RPS23: variants seen among roughly 807,000 people sequenced by gnomAD.
RPS23 encodes ribosomal protein S23, also known as small ribosomal subunit protein uS12.
For synonymous variants in RPS23, 66 were observed against 60.4 expected (o/e 1.09, Z -0.43); for missense variants, 73 against 174.5 (o/e 0.42, Z 3.28).
chr5:82,276,650 G>T, intron 2 of RPS23, 132 bp from the exon 3 acceptor site: 1 of 1,070,232 alleles, frequency 9.3e-7, no homozygotes, highest in Non-Finnish European at 1.3e-6. Context: ...CTGAAGTCCT[G>T]TGATGTCAAC....
intron 2 of RPS23, 53 bp downstream of exon 2, chr5:82,277,640 C>A: frequency 6.5e-7 from 1 of 1,544,934 alleles, no homozygotes; most frequent in Non-Finnish European, 8.9e-7. Context: ...TTCGTAAGTT[C>A]ATGTCTCGAA....
chr5:82,277,586 G>A (rs991931148), intron 2 of RPS23, 107 bp downstream of exon 2: 3 of 1,120,296 alleles, frequency 2.7e-6, no homozygotes, highest in Non-Finnish European at 4.0e-6. Context: ...ATGCCCAAAT[G>A]AATACTACTA....
Position 82,274,146 on chromosome 5 carries a change from T to C in RPS23, c.*1963A>G, listed in dbSNP as rs1747717100. On this transcript the variant is annotated 3_prime_UTR_variant, in exon 4 of 4. Coordinates refer to ENST00000296674, the MANE Select transcript of RPS23 (RefSeq NM_001025.5). ...ATTTATTGAAACTCTTCTTCCTCCA[T>C]TGGTTTTAAGATAAATCCGTTGGCC... 1 of 152,212 alleles carries C rather than the reference T, an allele frequency of 6.6e-6. No individual in the cohort carries two copies. Among genetic ancestry groups the C allele is most frequent in the Non-Finnish European group, 1.5e-5 (1 of 68,036 alleles). 9.4% of individuals were successfully genotyped at this position (152,212 alleles called of 1,614,324 possible). A position where few individuals can be genotyped will look rare whatever the true frequency, so the allele number is the denominator to read the frequency against.
intron 2 of RPS23, chr5:82,277,221 T>C (rs1178921560): frequency 1.2e-5 from 2 of 160,958 alleles, no homozygotes; most frequent in African/African-American, 4.9e-5. Context: ...TTAAAATGGC[T>C]CTACCATCAA....
In RPS23 at chr5:82,275,460, T is replaced by A. The variant is rs1174626862; in HGVS notation, c.*649A>T. 2 of 632,376 alleles carry A rather than the reference T, an allele frequency of 3.2e-6. No homozygotes were observed. The highest frequency in any genetic ancestry group is 3.7e-5 in the South Asian group (2 of 53,924). 39.2% of individuals were successfully genotyped at this position (632,376 alleles called of 1,614,324 possible). On this transcript the variant is annotated 3_prime_UTR_variant, in exon 4 of 4. Coordinates refer to ENST00000296674, the MANE Select transcript of RPS23 (RefSeq NM_001025.5). ...ACCTCATGAGAAGATACTGAAAACA[T>A]CAGTCTTGTCGTATACCTTATCTCC...
intron 3 of RPS23, 27 bp from the exon 4 acceptor site, chr5:82,276,282 T>A (rs1747772349): frequency 1.2e-6 from 2 of 1,613,002 alleles, no homozygotes; most frequent in Non-Finnish European, 1.7e-6. Context: ...AGTTTATTTC[T>A]GGTGTTGGTG....
At chr5:82,277,983 G>A in intron 1 of RPS23, 131 bp from the exon 2 acceptor site, 1 of 860,862 alleles carries the variant, frequency 1.2e-6, no homozygotes, top group Admixed American at 2.8e-5. Context: ...TGGCCTGTGG[G>A]CCAAACATTT....
Position 82,276,054 on chromosome 5 carries a change from C to G in RPS23, c.*55G>C. 1 of 1,528,378 alleles carries G rather than the reference C, an allele frequency of 6.5e-7. No homozygotes were observed. Among genetic ancestry groups the G allele is most frequent in the Non-Finnish European group, 8.9e-7 (1 of 1,119,660 alleles). The allele number at this position is 1,528,378 out of a possible 1,614,324, so 94.7% of individuals were successfully genotyped here. A position where few individuals can be genotyped will look rare whatever the true frequency, so the allele number is the denominator to read the frequency against. On this transcript the variant is annotated 3_prime_UTR_variant, in exon 4 of 4. Coordinates refer to ENST00000296674, the MANE Select transcript of RPS23 (RefSeq NM_001025.5). The stretch of plus-strand genomic sequence containing the variant: ...GGTGAGAACAGGGGACAGTAAGATA[C>G]AAACATTTTTTGGCATATGAAAATT...
In RPS23 at chr5:82,276,214, A is replaced by T; in HGVS notation, c.327T>A (p.Gly109=). The change falls in exon 4 of 4, where the codon GGT becomes GGA. Residue 109 remains glycine (G), a synonymous_variant. Coordinates refer to ENST00000296674, the MANE Select transcript of RPS23 (RefSeq NM_001025.5). ...EVLVAGFGRK[G]HAVGDIPGVR... ...CTCCAGGAATATCACCAACAGCATG[A>T]CCTTTGCGACCAAATCCAGCAACCA... is the stretch of plus-strand genomic sequence containing the variant. The T allele has an allele frequency of 1.2e-6, 2 of 1,612,916 alleles. No homozygotes were observed. The highest frequency in any genetic ancestry group is 1.7e-6 in the Non-Finnish European group (2 of 1,179,722).
At chr5:82,277,186 A>C (rs1448689159) in intron 2 of RPS23, among the ~76,000 whole-genome samples, 2 of 151,058 alleles carry the variant, frequency 1.3e-5, no homozygotes, top group African/African-American at 4.8e-5. Context: ...CTCAAAAAAA[A>C]AAAAAAAAAA....
rs934984369 is a variant in RPS23 at position 82,273,323 on chromosome 5, T to A, written c.*2786A>T. On this transcript the variant is annotated 3_prime_UTR_variant, in exon 4 of 4. Transcript: ENST00000296674. ...CCGCAGACAAAACCTCTCAGAGTTG[T>A]AGAAGGAAGGGCTTTATTCAGCTGG... The A allele has an allele frequency of 2.7e-5, 4 of 149,380 alleles. 1 individual carries two copies. Among genetic ancestry groups the A allele is most frequent in the African/African-American group, 1.0e-4 (4 of 38,802 alleles). 9.3% of individuals were successfully genotyped at this position (149,380 alleles called of 1,614,324 possible). A position where few individuals can be genotyped will look rare whatever the true frequency, so the allele number is the denominator to read the frequency against.
At chr5:82,277,226 C>T (rs1747865838) in intron 2 of RPS23, 1 of 164,230 alleles carries the variant, frequency 6.1e-6, no homozygotes, top group South Asian at 1.6e-4. Context: ...ATGGCTCTAC[C>T]ATCAAATATG....
At chr5:82,277,358 T>C in intron 2 of RPS23, 1 of 347,826 alleles carries the variant, frequency 2.9e-6, no homozygotes, top group Non-Finnish European at 5.4e-6. Context: ...CTCTTCACCT[T>C]AGTTTTATCA....
chr5:82,276,287 T>C (rs1747772506), intron 3 of RPS23, 32 bp from the exon 4 acceptor site: 4 of 1,613,038 alleles, frequency 2.5e-6, no homozygotes, highest in Non-Finnish European at 3.4e-6. Context: ...ATTTCTGGTG[T>C]TGGTGGCGAT....
At position 82,276,099 on chromosome 5, in the gene RPS23, C is replaced by G. The variant is rs1747768142; in HGVS notation, c.*10G>C. 3 of 1,599,640 alleles carry G rather than the reference C, an allele frequency of 1.9e-6. No individual in the cohort carries two copies. The highest frequency in any genetic ancestry group is 2.6e-6 in the Non-Finnish European group (3 of 1,176,000). On this transcript the variant is annotated 3_prime_UTR_variant, in exon 4 of 4. Coordinates refer to ENST00000296674, the MANE Select transcript of RPS23 (RefSeq NM_001025.5). ...AAAATTTATTACTACAGTGTTTTCA[C>G]CATTAATATTTATGATCTTGGTCTT... is the stretch of plus-strand genomic sequence containing the variant.
intron 2 of RPS23, chr5:82,276,874 G>GT: frequency 5.4e-6 from 1 of 183,670 alleles, no homozygotes; most frequent in Admixed American, 5.9e-5. Flanking sequence ...AAGAAAAAAG[G>GT]TATCTGAGGT....
In RPS23 at chr5:82,274,341, T is replaced by C. The variant is rs1431002009; in HGVS notation, c.*1768A>G. 6.6e-6 allele frequency: 1 copy of C among 152,544 alleles called. No homozygotes were observed. The highest frequency in any genetic ancestry group is 1.5e-5 in the Non-Finnish European group (1 of 68,374). 9.4% of individuals were successfully genotyped at this position (152,544 alleles called of 1,614,324 possible). A position where few individuals can be genotyped will look rare whatever the true frequency, so the allele number is the denominator to read the frequency against. On this transcript the variant is annotated 3_prime_UTR_variant, in exon 4 of 4. Transcript: ENST00000296674. ...AGGCACTAAGATCAGGCTCAGCAGC[T>C]TCTGGATCTGAGGCGCCGGAGATTA...
chr5:82,278,108 T>C (rs1006158774), intron 1 of RPS23: 1 of 687,898 alleles, frequency 1.5e-6, no homozygotes, highest in East Asian at 2.7e-5. Context: ...CTGGCCTCCC[T>C]GCGTCCCTCG....
rs930030841 is a variant in RPS23 at position 82,274,619 on chromosome 5, A to C, written c.*1490T>G. 1 of 152,642 alleles carries C rather than the reference A, an allele frequency of 6.6e-6. No individual in the cohort carries two copies. The highest frequency in any genetic ancestry group is 1.5e-5 in the Non-Finnish European group (1 of 68,390). 9.5% of individuals were successfully genotyped at this position (152,642 alleles called of 1,614,324 possible). A position where few individuals can be genotyped will look rare whatever the true frequency, so the allele number is the denominator to read the frequency against. ...GCTGCCCACCCCGCGCCTGACGCCCAGGGCCTGGAATCGCGCTGCAACCGC... is the reference window on the plus strand; with the variant it reads ...GCTGCCCACCCCGCGCCTGACGCCCCGGGCCTGGAATCGCGCTGCAACCGC... On this transcript the variant is annotated 3_prime_UTR_variant, in exon 4 of 4. Transcript: ENST00000296674.
Sources: gnomAD v4.1 joint callset for allele counts (sites outside exome capture counted in the v4.1 genomes callset) on GRCh38, gnomAD v4.1.1 for gene constraint, MANE v1.5 for transcripts, NCBI Gene and HGNC (gene_info 2026-07-23, HGNC 2026-07-21) for gene names.